The following ELAPOR1 variants were observed in gnomAD, a reference collection of about 807,000 sequenced individuals.
The protein encoded by ELAPOR1 is endosome/lysosome-associated apoptosis and autophagy regulator 1.
Under a neutral mutation model 119.7 loss-of-function variants are expected in ELAPOR1, and 77 were observed. The ratio of observed to expected loss-of-function variants is 0.64; its 90% CI spans 0.54 to 0.78. ELAPOR1 has a LOEUF of 0.78. Among genes scored for constraint, ELAPOR1 ranks in the 30% least tolerant of loss-of-function variants. The probability of loss-of-function intolerance (pLI) is 0.00; values close to 1 mark genes in which losing one functional copy is unlikely to be tolerated. For missense variants in ELAPOR1, 1,115 were observed against 1,270.4 expected (o/e 0.88, Z 1.86); for synonymous variants, 481 against 487.2 (o/e 0.99, Z 0.17).
intron 3 of ELAPOR1, among the ~76,000 whole-genome samples, chr1:109,169,438 C>T (rs1468432045): frequency 6.6e-6 from 1 of 151,996 alleles, no homozygotes; most frequent in Non-Finnish European, 1.5e-5. Context: ...TGGGGTTTCA[C>T]CATGTTGGTC....
chr1:109,191,203 T>G (rs1431184984), intron 11 of ELAPOR1, among the ~76,000 whole-genome samples, 163 bp from the exon 12 acceptor site: 1 of 152,152 alleles, frequency 6.6e-6, no homozygotes, highest in Non-Finnish European at 1.5e-5. Context: ...TTTGGCTAGG[T>G]CAAGGTCACA....
chr1:109,173,581 T>A lies in ELAPOR1; in HGVS notation c.802+2T>A. The A allele has an allele frequency of 6.2e-7, 1 of 1,613,918 alleles. No individual in the cohort carries two copies. The highest frequency in any genetic ancestry group is 8.5e-7 in the Non-Finnish European group (1 of 1,179,856). On this transcript the variant is annotated splice_donor_variant, in intron 6 of 21. Coordinates refer to ENST00000369939, the MANE Select transcript of ELAPOR1 (RefSeq NM_020775.5). LOFTEE classifies it high-confidence loss of function. Reference sequence around the variant, plus strand: ...TGGTGAGAAACATTGCCATAACAGGTACTGAGAGCAGGGTTACTGACTTCC... The same window carrying A: ...TGGTGAGAAACATTGCCATAACAGGAACTGAGAGCAGGGTTACTGACTTCC...
intron 1 of ELAPOR1, among the ~76,000 whole-genome samples, chr1:109,153,568 C>T (rs1241213639): frequency 6.6e-6 from 1 of 152,192 alleles, no homozygotes; most frequent in Non-Finnish European, 1.5e-5. Context: ...GAAAGAAATA[C>T]AGCAAAATGT....
chr1:109,173,097 CAAAAAAAAAAA>C (rs58149393), intron 5 of ELAPOR1, among the ~76,000 whole-genome samples: 12 of 91,938 alleles, frequency 1.3e-4, no homozygotes, highest in African/African-American at 4.2e-4. Context: ...AACTCTGTCT[CAAAAAAAAAAA>C]AAAAAAAAAA....
intron 1 of ELAPOR1, among the ~76,000 whole-genome samples, chr1:109,154,681 G>A (rs763186514): frequency 9.9e-5 from 15 of 152,202 alleles, no homozygotes; most frequent in Non-Finnish European, 1.9e-4. Flanking sequence ...AAGAAGGCTG[G>A]TAGAACAGTA....
chr1:109,173,074 G>A (rs1411457300), intron 5 of ELAPOR1, among the ~76,000 whole-genome samples: 1 of 142,464 alleles, frequency 7.0e-6, no homozygotes, highest in Non-Finnish European at 1.5e-5. Flanking sequence ...TCCAGCCTGG[G>A]CAACAAAAGC....
At chr1:109,136,404 G>A (rs1314418368) in intron 1 of ELAPOR1, among the ~76,000 whole-genome samples, 3 of 152,206 alleles carry the variant, frequency 2.0e-5, no homozygotes, top group South Asian at 2.1e-4. Context: ...GGCAGAAGCA[G>A]GGGCCAGATT....
At chr1:109,137,083 G>C (rs1275877732) in intron 1 of ELAPOR1, among the ~76,000 whole-genome samples, 1 of 152,194 alleles carries the variant, frequency 6.6e-6, no homozygotes, top group East Asian at 1.9e-4. Context: ...ATTCTGTGGG[G>C]TAAGGGAGCA....
intron 3 of ELAPOR1, among the ~76,000 whole-genome samples, chr1:109,165,120 T>C (rs1651503858): frequency 6.6e-6 from 1 of 152,028 alleles, no homozygotes; most frequent in Admixed American, 6.6e-5. Flanking sequence ...GCGAGACCCC[T>C]GTCTCTACAA....
Position 109,173,781 on chromosome 1 carries a change from C to A in ELAPOR1, c.896C>A (p.Ser299Tyr). The change falls in exon 7 of 22, where the codon TCT becomes TAT. Residue 299 changes from serine (S) to tyrosine (Y), a missense_variant. Transcript: ENST00000369939. The part of the protein sequence containing the change: ...SSFCKLCPAN[S>Y]YSNKGETSCH... ...TTCTGCAAACTTTGCCCAGCCAACT[C>A]TTATTCAAATAAAGGAGAAACTTCT... 6 of 1,614,146 alleles carry A rather than the reference C, an allele frequency of 3.7e-6. No homozygotes were observed. The highest frequency in any genetic ancestry group is 5.1e-6 in the Non-Finnish European group (6 of 1,180,032).
At chr1:109,121,119 C>A (rs757389571) in intron 1 of ELAPOR1, among the ~76,000 whole-genome samples, 2 of 151,900 alleles carry the variant, frequency 1.3e-5, no homozygotes, top group South Asian at 4.2e-4. Flanking sequence ...TTTTTTGGTC[C>A]CTTTTTGCAT....
intron 7 of ELAPOR1, among the ~76,000 whole-genome samples, chr1:109,175,050 C>T (rs556659307): frequency 2.4e-4 from 36 of 151,962 alleles, no homozygotes; most frequent in East Asian, 7.8e-4. Context: ...TGTAGAAACA[C>T]GGTCTCACTG....
chr1:109,178,568 G>C (rs1207699254), intron 7 of ELAPOR1, among the ~76,000 whole-genome samples: 2 of 152,184 alleles, frequency 1.3e-5, no homozygotes, highest in Non-Finnish European at 2.9e-5. Flanking sequence ...GGTTAGAGCT[G>C]GTGCCTGACC....
intron 18 of ELAPOR1, among the ~76,000 whole-genome samples, chr1:109,199,244 C>G (rs757568672): frequency 3.9e-5 from 6 of 152,180 alleles, no homozygotes; most frequent in Non-Finnish European, 8.8e-5. Context: ...AGGACACCCC[C>G]TCCCCTCCCC....
chr1:109,120,305 G>C (rs548156828), intron 1 of ELAPOR1, among the ~76,000 whole-genome samples: 3 of 152,026 alleles, frequency 2.0e-5, no homozygotes, highest in Non-Finnish European at 4.4e-5. Context: ...GCTGAGACAC[G>C]AGAATTGCTT....
At chr1:109,158,309 C>CTTTTTTT (rs386368020) in intron 1 of ELAPOR1, among the ~76,000 whole-genome samples, 1 of 131,640 alleles carries the variant, frequency 7.6e-6, no homozygotes. Context: ...TGACAGTTTT[C>CTTTTTTT]TTTTTTTTTT....
At chr1:109,187,126 C>T (rs1271076764) in intron 8 of ELAPOR1, 1 of 985,372 alleles carries the variant, frequency 1.0e-6, no homozygotes, top group African/African-American at 1.7e-5. Flanking sequence ...CGAGCTGGCT[C>T]CTATGATTAC....
At chr1:109,173,295 A>AAG (rs1302362918) in intron 5 of ELAPOR1, among the ~76,000 whole-genome samples, 179 bp from the exon 6 acceptor site, 1 of 152,020 alleles carries the variant, frequency 6.6e-6, no homozygotes, top group African/African-American at 2.4e-5. Context: ...GAGGCTTAGA[A>AAG]AGAGAGAGGA....
chr1:109,145,430 C>T (rs1650114769), intron 1 of ELAPOR1, among the ~76,000 whole-genome samples: 4 of 152,100 alleles, frequency 2.6e-5, no homozygotes, highest in Admixed American at 2.0e-4. Context: ...CCGAGATGGG[C>T]CTATCACCTG....
Sources: allele counts gnomAD v4.1 joint callset (sites outside exome capture counted in the v4.1 genomes callset), GRCh38; gene constraint gnomAD v4.1.1; transcripts MANE v1.5; gene names NCBI Gene and HGNC (gene_info 2026-07-23, HGNC 2026-07-21).